The following GLRA1 variants were observed in gnomAD, a reference collection of about 807,000 sequenced individuals.
GLRA1 encodes the protein glycine receptor alpha 1.
GLRA1 carries 37 observed loss-of-function variants against 48.3 expected under a neutral mutation model. The ratio of observed to expected loss-of-function variants is 0.77; its 90% CI spans 0.59 to 1.01. The LOEUF (loss-of-function observed/expected upper bound fraction) is 1.01. Ranked by LOEUF, GLRA1 falls within the 50% of genes least tolerant of loss-of-function variation. The pLI, the probability that GLRA1 is intolerant of heterozygous loss-of-function variation, is 0.00. For missense variants in GLRA1, 427 were observed against 571.0 expected (o/e 0.75, Z 2.57); for synonymous variants, 196 against 210.7 (o/e 0.93, Z 0.60).
At chr5:151,906,211 A>C (rs545281289) in intron 1 of GLRA1, among the ~76,000 whole-genome samples, 2 of 152,338 alleles carry the variant, frequency 1.3e-5, no homozygotes, top group South Asian at 4.1e-4. Flanking sequence ...TCAAGTGAGA[A>C]CTGCAGTGCC....
chr5:151,845,706 A>G (rs1005843050), intron 7 of GLRA1, among the ~76,000 whole-genome samples: 2 of 152,226 alleles, frequency 1.3e-5, no homozygotes, highest in Non-Finnish European at 2.9e-5. Flanking sequence ...CAACAGTTTC[A>G]CTTCTAGATA....
chr5:151,920,339 G>A (rs902502317), intron 1 of GLRA1, among the ~76,000 whole-genome samples: 3 of 152,174 alleles, frequency 2.0e-5, no homozygotes, highest in African/African-American at 7.2e-5. Flanking sequence ...GATGGAAGCA[G>A]AGCTGACTCT....
chr5:151,824,913 T>C (rs1763233534), intron 8 of GLRA1, among the ~76,000 whole-genome samples: 1 of 152,224 alleles, frequency 6.6e-6, no homozygotes, highest in Non-Finnish European at 1.5e-5. Context: ...GTTGAACAAA[T>C]GTTTACTTGT....
At chr5:151,917,185 C>T (rs1388940964) in intron 1 of GLRA1, among the ~76,000 whole-genome samples, 2 of 152,148 alleles carry the variant, frequency 1.3e-5, no homozygotes, top group African/African-American at 4.8e-5. Context: ...CTGTGCAAAC[C>T]TTTGGTCCAA....
chr5:151,881,278 C>T (rs1460383523), intron 3 of GLRA1, among the ~76,000 whole-genome samples: 1 of 151,660 alleles, frequency 6.6e-6, no homozygotes, highest in African/African-American at 2.4e-5. Context: ...GATCAGGATT[C>T]CCTTTCCTCT....
intron 7 of GLRA1, chr5:151,849,095 TTTC>T (rs1255101918): frequency 1.5e-5 from 4 of 264,490 alleles, no homozygotes; most frequent in East Asian, 5.7e-5. Context: ...TTCCTTTTTA[TTTC>T]TTTTCTTTTC....
intron 3 of GLRA1, among the ~76,000 whole-genome samples, chr5:151,878,823 C>G (rs529937148): frequency 9.2e-4 from 140 of 152,332 alleles, no homozygotes; most frequent in African/African-American, 3.3e-3. Flanking sequence ...ATGGAAACCC[C>G]TGGATGCCCA....
intron 3 of GLRA1, among the ~76,000 whole-genome samples, chr5:151,861,505 G>T (rs959086543): frequency 5.3e-5 from 8 of 152,094 alleles, no homozygotes; most frequent in East Asian, 1.9e-4. Context: ...TCATGTGTCT[G>T]TTGGCTGCAT....
At chr5:151,856,205 G>C (rs1488601479) in intron 5 of GLRA1, 96 bp downstream of exon 5, 1 of 799,466 alleles carries the variant, frequency 1.3e-6, no homozygotes, top group Non-Finnish European at 2.2e-6. Flanking sequence ...ATCTCCTGGG[G>C]TCTAGTGGTT....
chr5:151,902,227 T>TGATGACACTGAGGCTC (rs1754383274), intron 1 of GLRA1, among the ~76,000 whole-genome samples: 1 of 152,092 alleles, frequency 6.6e-6, no homozygotes, highest in South Asian at 2.1e-4. Flanking sequence ...CATGTCCAGG[T>TGATGACACTGAGGCTC]GATGACACTG....
chr5:151,886,924 C>T, intron 2 of GLRA1, 136 bp from the exon 3 acceptor site: 1 of 721,746 alleles, frequency 1.4e-6, no homozygotes, highest in South Asian at 1.5e-5. Flanking sequence ...TCCACCCCAC[C>T]CCCAAGCACC....
At chr5:151,911,653 C>T (rs891084122) in intron 1 of GLRA1, among the ~76,000 whole-genome samples, 14 of 143,376 alleles carry the variant, frequency 9.8e-5, no homozygotes, top group African/African-American at 2.4e-4. Context: ...TTGCCCAGGC[C>T]GGAGTGCAGT....
rs1019351551 is a variant in GLRA1, at chr5:151,924,676, G to C, written c.-127C>G. Reference sequence around the variant, plus strand: ...GATGTTAAAGGGAGGCGGGGAACAGGGGCGCGGAGGGAGAGCCCCAGGGGA... The same window carrying C: ...GATGTTAAAGGGAGGCGGGGAACAGCGGCGCGGAGGGAGAGCCCCAGGGGA... On this transcript the variant is annotated 5_prime_UTR_variant, in exon 1 of 9. Coordinates refer to ENST00000274576, the MANE Select transcript of GLRA1 (RefSeq NM_000171.4). 1.2e-5 allele frequency: 9 copies of C among 756,512 alleles called. No individual in the cohort carries two copies. The highest frequency in any genetic ancestry group is 1.7e-5 in the Non-Finnish European group (7 of 411,300). 46.9% of individuals were successfully genotyped at this position (756,512 alleles called of 1,614,324 possible). A position where few individuals can be genotyped will look rare whatever the true frequency, so the allele number is the denominator to read the frequency against.
chr5:151,856,637 G>T (rs1048619403), intron 4 of GLRA1, among the ~76,000 whole-genome samples: 5 of 152,098 alleles, frequency 3.3e-5, no homozygotes, highest in African/African-American at 1.2e-4. Flanking sequence ...TCCTGCCTCA[G>T]CCTCCAGAGT....
intron 1 of GLRA1, among the ~76,000 whole-genome samples, chr5:151,915,183 T>C (rs7713016): frequency 0.018 from 2,738 of 152,284 alleles, 99 homozygotes; most frequent in African/African-American, 0.063. Context: ...TATGATGTTG[T>C]TAGCATAGTA....
chr5:151,914,576 G>A (rs952783137), intron 1 of GLRA1, among the ~76,000 whole-genome samples: 2 of 152,158 alleles, frequency 1.3e-5, no homozygotes, highest in Admixed American at 1.3e-4. Context: ...TTGGGCCAGA[G>A]ACTATGCTGC....
chr5:151,854,829 C>T (rs1310755854), intron 6 of GLRA1, among the ~76,000 whole-genome samples: 1 of 152,228 alleles, frequency 6.6e-6, no homozygotes, highest in Non-Finnish European at 1.5e-5. Flanking sequence ...TTACCAGCTT[C>T]CCTCGTAATT....
intron 2 of GLRA1, among the ~76,000 whole-genome samples, chr5:151,891,279 C>T (rs1044247724): frequency 6.6e-6 from 1 of 152,162 alleles, no homozygotes; most frequent in Non-Finnish European, 1.5e-5. Flanking sequence ...CCTCCTGAGG[C>T]GTCAGTAAAC....
rs576016182 is a variant in GLRA1 at position 151,822,634 on chromosome 5, C to T, written c.*39G>A. On this transcript the variant is annotated 3_prime_UTR_variant, in exon 9 of 9. Coordinates refer to ENST00000274576, the MANE Select transcript of GLRA1 (RefSeq NM_000171.4). ...CTCTCAGATTCCTGTGCTATTCCCA[C>T]GTTCCCCTCTCCCAGCCTCCCCCAA... 9.2e-6 allele frequency: 13 copies of T among 1,406,710 alleles called. No individual in the cohort carries two copies. The highest frequency in any genetic ancestry group is 6.8e-5 in the East Asian group (3 of 43,874). The allele number at this position is 1,406,710 out of a possible 1,614,324, so 87.1% of individuals were successfully genotyped here. A position where few individuals can be genotyped will look rare whatever the true frequency, so the allele number is the denominator to read the frequency against.
Sources: gnomAD v4.1 joint callset for allele counts (sites outside exome capture counted in the v4.1 genomes callset) on GRCh38, gnomAD v4.1.1 for gene constraint, MANE v1.5 for transcripts, NCBI Gene and HGNC (gene_info 2026-07-23, HGNC 2026-07-21) for gene names.